DTD2: variants seen among roughly 807,000 people sequenced by gnomAD.
The protein encoded by DTD2 is D-tyrosyl-tRNA deacylase 2 (putative).
DTD2 carries 12 observed loss-of-function variants against 15.5 expected under a neutral mutation model. That is an observed-to-expected ratio of 0.77 (90% CI 0.50 to 1.25). The LOEUF (loss-of-function observed/expected upper bound fraction) is 1.25, where lower values mean the gene tolerates loss of function less well. DTD2 is among the 50% of genes most tolerant of loss of function. The pLI is 0.00. For synonymous variants in DTD2, 59 were observed against 77.3 expected (o/e 0.76, Z 1.24); for missense variants, 170 against 201.1 (o/e 0.85, Z 0.93).
At chr14:31,451,148 T>C (rs918512916) in intron 2 of DTD2, among the ~76,000 whole-genome samples, 5 of 90,394 alleles carry the variant, frequency 5.5e-5, no homozygotes, top group African/African-American at 1.1e-4. Context: ...CATTATGTTC[T>C]TTTTTTTTTT....
In DTD2 at chr14:31,457,362, C is replaced by G. The variant is rs371573730; in HGVS notation, c.32G>C (p.Arg11Pro). 1.9e-6 allele frequency: 3 copies of G among 1,582,600 alleles called. No individual in the cohort carries two copies. The highest frequency in any genetic ancestry group is 2.6e-6 in the Non-Finnish European group (3 of 1,165,940). The change falls in exon 1 of 3, where the codon CGG (arginine) becomes CCG (proline). Residue 11 changes from arginine to proline, a missense_variant. Physicochemically the swap from Arg to Pro is moderately radical, Grantham distance 103. Transcript: ENST00000310850. Reference protein sequence around the residue: MAEGSRIPQARALLQQCLHAR... With the variant: MAEGSRIPQAPALLQQCLHAR... ...GTGCAGGCACTGCTGTAGGAGCGCC[C>G]GGGCCTGAGGAATCCGGCTACCCTC...
At position 31,457,466 on chromosome 14, in the gene DTD2, G is replaced by C; in HGVS notation, c.-73C>G. The C allele has an allele frequency of 8.6e-7, 1 of 1,168,326 alleles. No individual in the cohort carries two copies. Among genetic ancestry groups the C allele is most frequent in the Non-Finnish European group, 1.2e-6 (1 of 864,598 alleles). The allele number at this position is 1,168,326 out of a possible 1,614,324, so 72.4% of individuals were successfully genotyped here. A position where few individuals can be genotyped will look rare whatever the true frequency, so the allele number is the denominator to read the frequency against. The stretch of plus-strand genomic sequence containing the variant: ...TGGCCCCTCCCTCGACGCGCTGGCG[G>C]GGCAGACGAGGCGGGGCACGACGAA... On this transcript the variant is annotated 5_prime_UTR_variant, in exon 1 of 3. Transcript: ENST00000310850.
chr14:31,455,108 C>T (rs966060209), intron 1 of DTD2, among the ~76,000 whole-genome samples: 3 of 152,074 alleles, frequency 2.0e-5, no homozygotes, highest in Non-Finnish European at 2.9e-5. Flanking sequence ...AGTTTATAAA[C>T]ACAAACTGAT....
At chr14:31,456,949 C>A in intron 1 of DTD2, 1 of 305,092 alleles carries the variant, frequency 3.3e-6, no homozygotes, top group Non-Finnish European at 6.2e-6. Context: ...TACAAGCTTG[C>A]CCCCGACCAG....
intron 2 of DTD2, among the ~76,000 whole-genome samples, chr14:31,451,107 C>A (rs2032026659): frequency 6.6e-6 from 1 of 150,382 alleles, no homozygotes; most frequent in African/African-American, 2.4e-5. Flanking sequence ...TAGGATCTGA[C>A]AATTATTCTC....
chr14:31,449,056 G>A (rs2031998547), intron 2 of DTD2, among the ~76,000 whole-genome samples: 2 of 152,098 alleles, frequency 1.3e-5, no homozygotes, highest in South Asian at 4.1e-4. Context: ...ACCACACCCG[G>A]CTAATTTTTT....
At chr14:31,450,137 T>C (rs935306904) in intron 2 of DTD2, among the ~76,000 whole-genome samples, 1 of 152,164 alleles carries the variant, frequency 6.6e-6, no homozygotes, top group Admixed American at 6.5e-5. Flanking sequence ...AAATAGGCAA[T>C]TTTGGAATAA....
rs1463150435 is a variant in DTD2 at position 31,453,266 on chromosome 14, A to C, written c.181+9T>G. 1 of 1,613,826 alleles carries C rather than the reference A, an allele frequency of 6.2e-7. No individual in the cohort carries two copies. Among genetic ancestry groups the C allele is most frequent in the Admixed American group, 1.7e-5 (1 of 60,020 alleles). On this transcript the variant is annotated intron_variant, in intron 2 of 2. Coordinates refer to ENST00000310850, the MANE Select transcript of DTD2 (RefSeq NM_080664.3). ...CACTCTTAAAAAAGAAACAAAGTCA[A>C]ACACATACCCATTTTGGGAAGAAGT...
chr14:31,447,530 C>T lies in DTD2; in HGVS notation c.*599G>A, dbSNP rs2031974305. Reference sequence around the variant, plus strand: ...TAAAATGTACATAATTTTTAAAAAACAACTAAGAGGCCGGGCACGGTGGCT... The same window carrying T: ...TAAAATGTACATAATTTTTAAAAAATAACTAAGAGGCCGGGCACGGTGGCT... On this transcript the variant is annotated 3_prime_UTR_variant, in exon 3 of 3. Coordinates refer to ENST00000310850, the MANE Select transcript of DTD2 (RefSeq NM_080664.3). The T allele has an allele frequency of 6.6e-6, 1 of 151,706 alleles. No homozygotes were observed. The highest frequency in any genetic ancestry group is 1.5e-5 in the Non-Finnish European group (1 of 67,898). 9.4% of individuals were successfully genotyped at this position (151,706 alleles called of 1,614,324 possible).
rs757716687 is a variant in DTD2 at position 31,448,140 on chromosome 14, T to C, written c.496A>G (p.Ile166Val). Residue 166 changes from isoleucine to valine, a missense_variant, in exon 3 of 3, where the codon ATT (isoleucine) becomes GTT (valine). Physicochemically the swap from Ile to Val is conservative, Grantham distance 29. Coordinates refer to ENST00000310850, the MANE Select transcript of DTD2 (RefSeq NM_080664.3). ...CTAGTTTTTCATTTTCAAAACTCAA[T>C]TAAGTGTGTGAATGGTCCGTTGGTG... ...LDTNGPFTHL[I>V]EF 1 of 1,604,330 alleles carries C rather than the reference T, an allele frequency of 6.2e-7. No homozygotes were observed. Among genetic ancestry groups the C allele is most frequent in the Non-Finnish European group, 8.5e-7 (1 of 1,175,154 alleles).
rs1332776063 is a variant in DTD2, at chr14:31,448,158, C to T, written c.478G>A (p.Gly160Arg). ...AACTCAATTAAGTGTGTGAATGGTC[C>T]GTTGGTGTCCAGCTTTAACACCTGC... Reference protein sequence around the residue: ...NRQVLKLDTNGPFTHLIEF With the variant: ...NRQVLKLDTNRPFTHLIEF The change falls in exon 3 of 3, where the codon GGA becomes AGA. Residue 160 changes from glycine (G) to arginine (R), a missense_variant. Gly to Arg is a moderately radical substitution (Grantham distance 125). Coordinates refer to ENST00000310850, the MANE Select transcript of DTD2 (RefSeq NM_080664.3). The T allele has an allele frequency of 3.1e-6, 5 of 1,612,932 alleles. No individual in the cohort carries two copies. Among genetic ancestry groups the T allele is most frequent in the South Asian group, 2.2e-5 (2 of 90,896 alleles).
At chr14:31,448,803 T>C (rs1004346672) in intron 2 of DTD2, among the ~76,000 whole-genome samples, 2 of 152,244 alleles carry the variant, frequency 1.3e-5, no homozygotes, top group African/African-American at 4.8e-5. Context: ...ACCTTCCTGT[T>C]CTTTTTATTT....
In DTD2 at chr14:31,453,285, A is replaced by C; in HGVS notation, c.171T>G (p.Leu57=). The part of the protein sequence containing the change: ...CFFKGADKEL[L]PKMVNTLLNV... Reference sequence around the variant, plus strand: ...AAGTCAAACACATACCCATTTTGGGAAGAAGTTCTTTATCAGCTCCCTTGA... The same window carrying C: ...AAGTCAAACACATACCCATTTTGGGCAGAAGTTCTTTATCAGCTCCCTTGA... Residue 57 remains leucine (L), a synonymous_variant, in exon 2 of 3, where the codon CTT becomes CTG. Coordinates refer to ENST00000310850, the MANE Select transcript of DTD2 (RefSeq NM_080664.3). The C allele has an allele frequency of 6.2e-7, 1 of 1,613,990 alleles. No homozygotes were observed. The highest frequency in any genetic ancestry group is 1.3e-5 in the African/African-American group (1 of 75,028).
At chr14:31,450,953 T>C (rs116681717) in intron 2 of DTD2, among the ~76,000 whole-genome samples, 3,283 of 152,286 alleles carry the variant, frequency 0.022, 116 homozygotes, top group African/African-American at 0.074. Flanking sequence ...TAAGACAACT[T>C]TATGAAGTCA....
chr14:31,453,608 A>G lies in DTD2; in HGVS notation c.112-264T>C, dbSNP rs895003755. On this transcript the variant is annotated intron_variant, in intron 1 of 2. Coordinates refer to ENST00000310850, the MANE Select transcript of DTD2 (RefSeq NM_080664.3). ...TACCTTCAAACATTTATTTCTAATC[A>G]AAATCATTAAGAGGATCAACCAGCC... Among the ~76,000 whole-genome samples, 6 of 152,356 alleles carry G rather than the reference A, an allele frequency of 3.9e-5. No individual in the cohort carries two copies. In the South Asian group the frequency reaches 1.0e-3, roughly 26 times the overall value.
In DTD2 at chr14:31,446,158, C is replaced by T. The variant is rs908114513; in HGVS notation, c.*1971G>A. ...TTGATTCTCTGGTTCCAAAATAGAACAGTACAGGAAGGGTATAGAGAAAAT... is the reference window on the plus strand; with the variant it reads ...TTGATTCTCTGGTTCCAAAATAGAATAGTACAGGAAGGGTATAGAGAAAAT... On this transcript the variant is annotated 3_prime_UTR_variant, in exon 3 of 3. Transcript: ENST00000310850. The T allele has an allele frequency of 1.3e-5, 2 of 152,016 alleles. No homozygotes were observed. Among genetic ancestry groups the T allele is most frequent in the African/African-American group, 2.4e-5 (1 of 41,396 alleles). The allele number at this position is 152,016 out of a possible 1,614,324, so 9.4% of individuals were successfully genotyped here.
intron 2 of DTD2, chr14:31,453,006 C>T (rs906478510): frequency 1.2e-5 from 3 of 257,648 alleles, no homozygotes; most frequent in Non-Finnish European, 1.5e-5. Flanking sequence ...GGCACCATCT[C>T]GGCTCACTGC....
intron 2 of DTD2, among the ~76,000 whole-genome samples, chr14:31,449,495 C>T (rs1019615365): frequency 5.3e-5 from 8 of 152,174 alleles, no homozygotes; most frequent in Admixed American, 4.6e-4. Context: ...TATACGAAAA[C>T]GTGATATTAT....
chr14:31,448,022 C>T lies in DTD2; in HGVS notation c.*107G>A, dbSNP rs908532810. On this transcript the variant is annotated 3_prime_UTR_variant, in exon 3 of 3. Coordinates refer to ENST00000310850, the MANE Select transcript of DTD2 (RefSeq NM_080664.3). ...TATATGAAACCCAAGATTTTCCTGT[C>T]TAAAAATGCTGAAGATTAGTATATT... 3 of 1,015,864 alleles carry T rather than the reference C, an allele frequency of 3.0e-6. No homozygotes were observed. The African/African-American group carries it at 4.9e-5, about 17-fold the overall frequency. 62.9% of individuals were successfully genotyped at this position (1,015,864 alleles called of 1,614,324 possible).
Sources: gnomAD v4.1 joint callset for allele counts (sites outside exome capture counted in the v4.1 genomes callset) on GRCh38, gnomAD v4.1.1 for gene constraint, MANE v1.5 for transcripts, NCBI Gene and HGNC (gene_info 2026-07-23, HGNC 2026-07-21) for gene names.